CDC42BPA: variants seen among roughly 807,000 people sequenced by gnomAD.
The protein encoded by CDC42BPA is serine/threonine-protein kinase MRCK alpha.
CDC42BPA carries 80 observed loss-of-function variants against 223.5 expected under a neutral mutation model. That is an observed-to-expected ratio of 0.36 (90% confidence interval 0.30 to 0.43). The LOEUF (loss-of-function observed/expected upper bound fraction) is 0.43, where lower values mean the gene tolerates loss of function less well. Ranked by LOEUF, CDC42BPA falls within the 20% of genes least tolerant of loss-of-function variation. The pLI, the probability that CDC42BPA is intolerant of heterozygous loss-of-function variation, is 1.00. For missense variants in CDC42BPA, 1,743 were observed against 2,099.9 expected (o/e 0.83, Z 3.32); for synonymous variants, 694 against 718.6 (o/e 0.97, Z 0.55).
intron 4 of CDC42BPA, among the ~76,000 whole-genome samples, chr1:227,196,763 C>T (rs1410914471): frequency 6.6e-6 from 1 of 152,178 alleles, no homozygotes; most frequent in South Asian, 2.1e-4. Context: ...AAGTATCTTT[C>T]ACCTTTTAAA....
intron 2 of CDC42BPA, among the ~76,000 whole-genome samples, chr1:227,239,607 A>C (rs187158235): frequency 1.3e-4 from 20 of 152,294 alleles, no homozygotes; most frequent in Non-Finnish European, 2.9e-4. Context: ...TAAAAAATTA[A>C]TCAAAGTAAT....
chr1:227,178,796 G>C (rs966645505), intron 5 of CDC42BPA, among the ~76,000 whole-genome samples: 1 of 152,014 alleles, frequency 6.6e-6, no homozygotes, highest in Non-Finnish European at 1.5e-5. Flanking sequence ...GGCCTGGCCA[G>C]ATATGTCTTT....
chr1:227,185,152 A>AT (rs35695051), intron 5 of CDC42BPA, among the ~76,000 whole-genome samples: 29,814 of 150,792 alleles, frequency 0.2, 3,154 homozygotes, highest in East Asian at 0.26. Flanking sequence ...TTTACAAGAA[A>AT]TTTTTTTTTT....
At chr1:227,316,688 C>T (rs1446873486) in intron 1 of CDC42BPA, among the ~76,000 whole-genome samples, 1 of 152,168 alleles carries the variant, frequency 6.6e-6, no homozygotes, top group African/African-American at 2.4e-5. Context: ...ATGTATTAGG[C>T]AACTGTAACC....
intron 2 of CDC42BPA, among the ~76,000 whole-genome samples, chr1:227,215,220 G>A (rs1265449204): frequency 6.6e-6 from 1 of 152,150 alleles, no homozygotes; most frequent in Non-Finnish European, 1.5e-5. Flanking sequence ...GAATAATGAT[G>A]ACGCCTAATA....
Position 227,220,311 on chromosome 1 carries a change from T to TATATATATAC in CDC42BPA, c.271-7093_271-7092insGTATATATAT, listed in dbSNP as rs1210485137. ...ATATATATATATATATATATATATA[T>TATATATATAC]ACACACACACACACACATACATATA... On this transcript the variant is annotated intron_variant, in intron 2 of 36. Coordinates refer to ENST00000366766, the MANE Select transcript of CDC42BPA (RefSeq NM_001394014.1). 6.0e-3 allele frequency among the ~76,000 whole-genome samples: 294 copies of TATATATATAC among 49,386 alleles called. 1 individual carries two copies. The highest frequency in any genetic ancestry group is 0.019 in the African/African-American group (270 of 13,880). 32.4% of individuals were successfully genotyped at this position (49,386 alleles called of 152,430 possible).
intron 16 of CDC42BPA, 48 bp downstream of exon 16, chr1:227,091,838 G>C: frequency 1.0e-6 from 1 of 987,622 alleles, no homozygotes. Flanking sequence ...TATCAGTGTT[G>C]AACATCTAGC....
chr1:226,993,899 C>A lies in CDC42BPA; in HGVS notation c.*369G>T, dbSNP rs1015333189. On this transcript the variant is annotated 3_prime_UTR_variant, in exon 37 of 37. Transcript: ENST00000366766. ...GAGAAGCCCATGAGCTATTTTAGGA[C>A]TATAATGAGACTCTACTGTGAAAGC... is the stretch of plus-strand genomic sequence containing the variant. The A allele has an allele frequency of 1.7e-5, 3 of 171,540 alleles. No homozygotes were observed. The highest frequency in any genetic ancestry group is 7.2e-5 in the African/African-American group (3 of 41,760). The allele number at this position is 171,540 out of a possible 1,614,324, so 10.6% of individuals were successfully genotyped here. A position where few individuals can be genotyped will look rare whatever the true frequency, so the allele number is the denominator to read the frequency against.
chr1:227,037,078 T>C (rs1670421683), intron 24 of CDC42BPA, among the ~76,000 whole-genome samples: 1 of 152,202 alleles, frequency 6.6e-6, no homozygotes, highest in South Asian at 2.1e-4. Context: ...CAAGTAATTG[T>C]GGTGCATAAA....
At chr1:227,297,256 T>C (rs1690807446) in intron 1 of CDC42BPA, among the ~76,000 whole-genome samples, 1 of 152,154 alleles carries the variant, frequency 6.6e-6, no homozygotes, top group Admixed American at 6.5e-5. Context: ...TCATACCTAC[T>C]AAAATGACTA....
chr1:227,306,545 G>A (rs1166227745), intron 1 of CDC42BPA, among the ~76,000 whole-genome samples: 1 of 152,168 alleles, frequency 6.6e-6, no homozygotes, highest in African/African-American at 2.4e-5. Flanking sequence ...ACGAACGCAT[G>A]CAACAAAAAG....
chr1:227,099,601 G>T (rs111295202), intron 15 of CDC42BPA, among the ~76,000 whole-genome samples: 3,326 of 152,046 alleles, frequency 0.022, 46 homozygotes, highest in Non-Finnish European at 0.033. Context: ...ACATGATGTG[G>T]CCCCCTGTTG....
At chr1:227,303,533 CTA>C (rs1692034227) in intron 1 of CDC42BPA, among the ~76,000 whole-genome samples, 1 of 152,176 alleles carries the variant, frequency 6.6e-6, no homozygotes, top group South Asian at 2.1e-4. Flanking sequence ...GGGAATTGCT[CTA>C]GAGTTTCTAC....
chr1:227,293,018 C>T (rs987669042), intron 1 of CDC42BPA, among the ~76,000 whole-genome samples: 1 of 152,108 alleles, frequency 6.6e-6, no homozygotes, highest in Non-Finnish European at 1.5e-5. Context: ...GATGTTATTT[C>T]TTCATCATAG....
At chr1:227,282,838 G>A (rs1688215058) in intron 1 of CDC42BPA, among the ~76,000 whole-genome samples, 1 of 152,170 alleles carries the variant, frequency 6.6e-6, no homozygotes, top group Admixed American at 6.5e-5. Flanking sequence ...GGCAAGGTAT[G>A]GAAAGTGGGA....
chr1:227,268,929 T>A (rs1253476783), intron 1 of CDC42BPA, among the ~76,000 whole-genome samples: 1 of 151,968 alleles, frequency 6.6e-6, no homozygotes, highest in Admixed American at 6.6e-5. Context: ...AAGCAATCCA[T>A]CTACCTTGGC....
At chr1:227,267,266 T>A (rs1360739505) in intron 1 of CDC42BPA, among the ~76,000 whole-genome samples, 2 of 152,218 alleles carry the variant, frequency 1.3e-5, no homozygotes, top group Admixed American at 1.3e-4. Flanking sequence ...TCTAATCTGT[T>A]ACTAAAATAC....
chr1:227,231,851 T>C (rs1326345741), intron 2 of CDC42BPA, among the ~76,000 whole-genome samples: 2 of 152,204 alleles, frequency 1.3e-5, no homozygotes, highest in Non-Finnish European at 2.9e-5. Context: ...TTCTTGTAAA[T>C]TTGTTTGAGT....
At chr1:227,229,884 G>C (rs1677508506) in intron 2 of CDC42BPA, among the ~76,000 whole-genome samples, 1 of 151,754 alleles carries the variant, frequency 6.6e-6, no homozygotes, top group Admixed American at 6.6e-5. Context: ...TTTTATCTTT[G>C]GTTTTCAGAA....
Sources: gnomAD v4.1 joint callset for allele counts (sites outside exome capture counted in the v4.1 genomes callset) on GRCh38, gnomAD v4.1.1 for gene constraint, MANE v1.5 for transcripts, NCBI Gene and HGNC (gene_info 2026-07-23, HGNC 2026-07-21) for gene names.